Variants in PTPRZ1 observed in about 807,000 individuals in gnomAD.
The protein encoded by PTPRZ1 is protein tyrosine phosphatase receptor type Z1, also known as receptor-type tyrosine-protein phosphatase zeta.
PTPRZ1 carries 82 observed loss-of-function variants against 214.1 expected under a neutral mutation model. That is an observed-to-expected ratio of 0.38 (90% CI 0.32 to 0.46). PTPRZ1 has a LOEUF of 0.46. Ranked by LOEUF, PTPRZ1 falls within the 20% of genes least tolerant of loss-of-function variation. The probability of loss-of-function intolerance (pLI) is 1.00; values close to 1 mark genes in which losing one functional copy is unlikely to be tolerated. For synonymous variants in PTPRZ1, 945 were observed against 987.9 expected (o/e 0.96, Z 0.81); for missense variants, 2,603 against 2,748.7 (o/e 0.95, Z 1.19).
chr7:121,925,725 T>C (rs138417612), intron 1 of PTPRZ1, among the ~76,000 whole-genome samples: 1 of 152,330 alleles, frequency 6.6e-6, no homozygotes, highest in African/African-American at 2.4e-5. Context: ...TTATCTAAAC[T>C]ACCTCTTGTC....
chr7:122,040,915 A>G lies in PTPRZ1; in HGVS notation c.5737A>G (p.Thr1913Ala), dbSNP rs754772794. The G allele has an allele frequency of 3.3e-5, 53 of 1,604,294 alleles. 1 individual carries two copies. In the South Asian group the frequency reaches 5.1e-4, roughly 15 times the overall value. ...GVPEYSLPVL[T>A]FVRKAAYAKR... is the part of the protein sequence containing the mutation. ...ACCAGAGTACTCCCTGCCAGTGCTGACCTTTGTGAGAAAGGCAGCCTATGC... is the reference window on the plus strand; with the variant it reads ...ACCAGAGTACTCCCTGCCAGTGCTGGCCTTTGTGAGAAAGGCAGCCTATGC... The change falls in exon 21 of 30, where the codon ACC (threonine) becomes GCC (alanine). Residue 1913 changes from threonine to alanine, a missense_variant. Transcript: ENST00000393386.
At chr7:121,957,315 G>C (rs545745250) in intron 2 of PTPRZ1, among the ~76,000 whole-genome samples, 13 of 151,800 alleles carry the variant, frequency 8.6e-5, no homozygotes, top group Non-Finnish European at 1.8e-4. Context: ...CTTTCTCTTG[G>C]GCATGGTGGC....
intron 1 of PTPRZ1, among the ~76,000 whole-genome samples, chr7:121,926,476 A>G (rs1563021191): frequency 1.3e-5 from 2 of 152,098 alleles, no homozygotes; most frequent in Non-Finnish European, 2.9e-5. Flanking sequence ...GTGAAGGAGG[A>G]TGATGTATTG....
At chr7:122,002,306 T>C (rs1196474) in intron 10 of PTPRZ1, among the ~76,000 whole-genome samples, 126,954 of 152,126 alleles carry the variant, frequency 0.83, 53,792 homozygotes, top group South Asian at 0.92. Flanking sequence ...TGGTTTTATA[T>C]GCAGTAATAT....
intron 11 of PTPRZ1, among the ~76,000 whole-genome samples, chr7:122,009,250 G>T (rs1006290812): frequency 6.6e-6 from 1 of 151,940 alleles, no homozygotes; most frequent in Non-Finnish European, 1.5e-5. Context: ...GCAGATTTCC[G>T]TGTGTATGAC....
intron 1 of PTPRZ1, among the ~76,000 whole-genome samples, chr7:121,883,308 T>G (rs995453213): frequency 2.0e-5 from 3 of 152,190 alleles, no homozygotes; most frequent in African/African-American, 4.8e-5. Flanking sequence ...AGGAGGATTT[T>G]AGTATATTTA....
At chr7:121,895,177 C>G (rs1375320836) in intron 1 of PTPRZ1, among the ~76,000 whole-genome samples, 1 of 152,112 alleles carries the variant, frequency 6.6e-6, no homozygotes, top group Non-Finnish European at 1.5e-5. Context: ...GTTTTTGGAG[C>G]CCATAAAAAT....
intron 12 of PTPRZ1, among the ~76,000 whole-genome samples, 184 bp from the exon 13 acceptor site, chr7:122,018,940 C>G (rs1349872333): frequency 3.3e-5 from 5 of 152,122 alleles, no homozygotes; most frequent in Admixed American, 3.3e-4. Flanking sequence ...TGTCTAATAG[C>G]CTGCCTTACA....
intron 24 of PTPRZ1, 45 bp downstream of exon 24, chr7:122,051,566 A>G (rs1209497439): frequency 7.3e-6 from 11 of 1,515,128 alleles, no homozygotes; most frequent in East Asian, 2.3e-5. Flanking sequence ...TTAAAATAAT[A>G]AAAGCCTTGT....
chr7:122,025,052 A>G lies in PTPRZ1; in HGVS notation c.4989-3500A>G, dbSNP rs915122415. Among the ~76,000 whole-genome samples, 4 of 152,188 alleles carry G rather than the reference A, an allele frequency of 2.6e-5. No homozygotes were observed. The East Asian group carries it at 7.7e-4, about 29-fold the overall frequency. ...ATATGATTGGTGGGATTTACTTGCT[A>G]TTAGAAATCCATCTAATCATTCAAC... On this transcript the variant is annotated intron_variant, in intron 13 of 29. Coordinates refer to ENST00000393386, the MANE Select transcript of PTPRZ1 (RefSeq NM_002851.3).
chr7:121,956,112 C>G (rs192502234), intron 2 of PTPRZ1, among the ~76,000 whole-genome samples: 5 of 152,224 alleles, frequency 3.3e-5, no homozygotes, highest in South Asian at 2.1e-4. Context: ...ACATCCTACT[C>G]ACACTCGTCC....
chr7:121,923,899 A>G (rs1795675730), intron 1 of PTPRZ1, among the ~76,000 whole-genome samples: 1 of 152,070 alleles, frequency 6.6e-6, no homozygotes, highest in Non-Finnish European at 1.5e-5. Flanking sequence ...TGCTTGAGGT[A>G]AGTTCAAGGT....
chr7:122,001,672 C>T (rs1470742151), intron 10 of PTPRZ1, among the ~76,000 whole-genome samples: 1 of 152,120 alleles, frequency 6.6e-6, no homozygotes, highest in East Asian at 1.9e-4. Context: ...TTAAATAAGC[C>T]TTGCTTGCTC....
At chr7:121,978,647 A>AATTTGG (rs1036912441) in intron 6 of PTPRZ1, among the ~76,000 whole-genome samples, 3 of 152,102 alleles carry the variant, frequency 2.0e-5, no homozygotes, top group African/African-American at 2.4e-5. Flanking sequence ...TGGGGATTAC[A>AATTTGG]ATTTGGATTA....
intron 1 of PTPRZ1, among the ~76,000 whole-genome samples, chr7:121,902,772 A>T (rs1795005394): frequency 6.6e-6 from 1 of 152,060 alleles, no homozygotes; most frequent in South Asian, 2.1e-4. Flanking sequence ...TTTACCTATT[A>T]CAATCCAGTG....
At chr7:121,936,466 G>A (rs6969396) in intron 2 of PTPRZ1, among the ~76,000 whole-genome samples, 59,404 of 152,036 alleles carry the variant, frequency 0.39, 12,526 homozygotes, top group African/African-American at 0.55. Context: ...GTTTTATTCC[G>A]AAGCCTGACT....
At chr7:121,976,757 T>C in intron 5 of PTPRZ1, 28 bp from the exon 6 acceptor site, 1 of 1,531,904 alleles carries the variant, frequency 6.5e-7, no homozygotes, top group Non-Finnish European at 8.9e-7. Flanking sequence ...TTTTATTCTT[T>C]TTTTAGAATG....
intron 14 of PTPRZ1, among the ~76,000 whole-genome samples, chr7:122,029,819 G>T (rs1429697377): frequency 2.0e-5 from 3 of 151,402 alleles, no homozygotes; most frequent in African/African-American, 7.3e-5. Flanking sequence ...TATAAACTTA[G>T]GAATTGTGTT....
intron 2 of PTPRZ1, among the ~76,000 whole-genome samples, chr7:121,939,883 C>T (rs949126036): frequency 3.3e-5 from 5 of 152,000 alleles, no homozygotes; most frequent in Admixed American, 2.0e-4. Context: ...CCTAATTGGC[C>T]TAAGAGTTTC....
Sources: gnomAD v4.1 joint callset for allele counts (sites outside exome capture counted in the v4.1 genomes callset) on GRCh38, gnomAD v4.1.1 for gene constraint, MANE v1.5 for transcripts, NCBI Gene and HGNC (gene_info 2026-07-23, HGNC 2026-07-21) for gene names.